Variants in CENPP observed in about 807,000 individuals in gnomAD.
CENPP encodes centromere protein P.
CENPP carries 24 observed loss-of-function variants against 35.6 expected under a neutral mutation model. The ratio of observed to expected loss-of-function variants is 0.67; its 90% CI spans 0.49 to 0.95. CENPP has a LOEUF of 0.95. CENPP is among the 40% of genes least tolerant of loss of function. The pLI, the probability that CENPP is intolerant of heterozygous loss-of-function variation, is 0.00. For synonymous variants in CENPP, 120 were observed against 125.5 expected, an observed-to-expected ratio of 0.96 and a Z score of 0.29; for missense variants, 332 against 345.3, an observed-to-expected ratio of 0.96 and a Z score of 0.31.
intron 5 of CENPP, among the ~76,000 whole-genome samples, chr9:92,567,373 G>GATATATAGATATATATATATCT (rs1554688236): frequency 7.7e-6 from 1 of 129,090 alleles, no homozygotes; most frequent in African/African-American, 2.8e-5. Context: ...ACATAAGATA[G>GATATATAGATATATATATATCT]ATATATATAT....
At chr9:92,403,494 A>T in intron 5 of CENPP, 1 of 1,496,508 alleles carries the variant, frequency 6.7e-7, no homozygotes, top group South Asian at 1.5e-5. Flanking sequence ...TGGAAATAAA[A>T]ATTCAGACCA....
At chr9:92,352,164 G>GT (rs1841465053) in intron 4 of CENPP, among the ~76,000 whole-genome samples, 1 of 150,808 alleles carries the variant, frequency 6.6e-6, no homozygotes, top group Non-Finnish European at 1.5e-5. Context: ...GAGGTCAGGA[G>GT]TTAGAGACAA....
At chr9:92,612,899 C>A in intron 7 of CENPP, 120 bp from the exon 8 acceptor site, 1 of 1,187,042 alleles carries the variant, frequency 8.4e-7, no homozygotes, top group Non-Finnish European at 1.2e-6. Context: ...TAGCATGTCC[C>A]ATCCCATGCA....
chr9:92,593,499 T>C lies in CENPP; in HGVS notation c.565-17815T>C, dbSNP rs1191329425. Reference sequence around the variant, plus strand: ...CTCATTTCCCCTAATTCAAGAGCTATTCTATGTTGAAATATGAATAGCTAT... The same window carrying C: ...CTCATTTCCCCTAATTCAAGAGCTACTCTATGTTGAAATATGAATAGCTAT... On this transcript the variant is annotated intron_variant, in intron 5 of 7. Coordinates refer to ENST00000375587, the MANE Select transcript of CENPP (RefSeq NM_001012267.3). This position sits in a 1 kb window ranked among gnomAD's most constrained non-coding sequence, Gnocchi z 4.1. Among the ~76,000 whole-genome samples, 2 of 152,246 alleles carry C rather than the reference T, an allele frequency of 1.3e-5. No individual in the cohort carries two copies. Among genetic ancestry groups the C allele is most frequent in the African/African-American group, 2.4e-5 (1 of 41,464 alleles).
At chr9:92,352,595 G>A (rs1841494388) in intron 4 of CENPP, among the ~76,000 whole-genome samples, 1 of 142,908 alleles carries the variant, frequency 7.0e-6, no homozygotes, top group East Asian at 2.0e-4. Flanking sequence ...TCCCGTAATA[G>A]GCCGTCTGCA....
chr9:92,462,334 C>T (rs894547224), intron 5 of CENPP, among the ~76,000 whole-genome samples: 3 of 152,164 alleles, frequency 2.0e-5, no homozygotes, highest in South Asian at 2.1e-4. Flanking sequence ...GTAGTACCCC[C>T]GCACATGGCA....
At chr9:92,515,764 A>G (rs566116097) in intron 5 of CENPP, among the ~76,000 whole-genome samples, 36 of 152,302 alleles carry the variant, frequency 2.4e-4, no homozygotes, top group African/African-American at 8.2e-4. Context: ...TCAGAATTAT[A>G]GAGAGAGAGT....
intron 1 of CENPP, among the ~76,000 whole-genome samples, chr9:92,328,659 T>C (rs565288612): frequency 2.0e-5 from 3 of 152,200 alleles, no homozygotes; most frequent in African/African-American, 4.8e-5. Context: ...AAAAAATTCT[T>C]GCAAGCTCCT....
chr9:92,344,612 A>C (rs1841227696), intron 3 of CENPP, among the ~76,000 whole-genome samples: 1 of 151,962 alleles, frequency 6.6e-6, no homozygotes, highest in East Asian at 2.0e-4. Context: ...CAGTGGCACG[A>C]TCTTGGCTCG....
intron 5 of CENPP, among the ~76,000 whole-genome samples, chr9:92,474,114 T>C (rs893518791): frequency 3.3e-5 from 5 of 152,266 alleles, no homozygotes; most frequent in Middle Eastern, 3.2e-3. Flanking sequence ...CAAAGAATTA[T>C]AAATTTTAAA....
At chr9:92,486,700 T>A (rs1023964553) in intron 5 of CENPP, among the ~76,000 whole-genome samples, 1 of 152,188 alleles carries the variant, frequency 6.6e-6, no homozygotes, top group Non-Finnish European at 1.5e-5. Context: ...TTATAATAAA[T>A]TGTCACTAAA....
intron 5 of CENPP, among the ~76,000 whole-genome samples, chr9:92,533,204 G>A (rs1419519556): frequency 1.4e-5 from 2 of 147,146 alleles, no homozygotes; most frequent in African/African-American, 5.0e-5. Flanking sequence ...GGAAGCTGAG[G>A]CAGGAGAATC....
chr9:92,490,665 G>C (rs1421030951), intron 5 of CENPP, among the ~76,000 whole-genome samples: 1 of 152,168 alleles, frequency 6.6e-6, no homozygotes, highest in African/African-American at 2.4e-5. Context: ...GTAATTTATG[G>C]TATGTTTAAA....
intron 5 of CENPP, among the ~76,000 whole-genome samples, chr9:92,450,963 T>C (rs1399426799): frequency 6.6e-6 from 1 of 152,126 alleles, no homozygotes; most frequent in African/African-American, 2.4e-5. Context: ...TTCTTGTAAA[T>C]TTGTTTGAGT....
chr9:92,546,435 A>G (rs1375281157), intron 5 of CENPP, among the ~76,000 whole-genome samples: 3 of 152,074 alleles, frequency 2.0e-5, no homozygotes, highest in Admixed American at 2.0e-4. Flanking sequence ...TGTAACACTC[A>G]TGGGGGAAGA....
At chr9:92,542,880 TTG>T (rs1849347734) in intron 5 of CENPP, among the ~76,000 whole-genome samples, 1 of 152,218 alleles carries the variant, frequency 6.6e-6, no homozygotes, top group East Asian at 1.9e-4. Context: ...CTATTTTGAG[TTG>T]ATTTCTGTTT....
intron 5 of CENPP, among the ~76,000 whole-genome samples, chr9:92,504,832 C>T (rs1008442488): frequency 8.5e-5 from 13 of 152,212 alleles, no homozygotes; most frequent in African/African-American, 3.1e-4. Context: ...AGCCACTGCA[C>T]GGTCCACCTC....
intron 5 of CENPP, among the ~76,000 whole-genome samples, chr9:92,559,072 A>G (rs1849789785): frequency 6.6e-6 from 1 of 152,106 alleles, no homozygotes; most frequent in East Asian, 1.9e-4. Flanking sequence ...TGCCAAAGAA[A>G]AGGGCTCTTC....
intron 2 of CENPP, 138 bp from the exon 3 acceptor site, chr9:92,337,403 A>G (rs1322177749): frequency 3.6e-6 from 2 of 549,584 alleles, no homozygotes; most frequent in Admixed American, 3.3e-5. Context: ...GTTCTTCCAG[A>G]GTTTTTCAAT....
Sources: gnomAD v4.1 joint callset for allele counts (sites outside exome capture counted in the v4.1 genomes callset) on GRCh38, gnomAD v4.1.1 for gene constraint, Gnocchi (gnomAD v3.1) non-coding constraint, MANE v1.5 for transcripts, NCBI Gene and HGNC (gene_info 2026-07-23, HGNC 2026-07-21) for gene names.